UCK2: variants seen among roughly 807,000 people sequenced by gnomAD.
UCK2 encodes the protein uridine-cytidine kinase 2.
In UCK2, 6 loss-of-function variants were observed where a neutral mutation model predicts 30.8. The observed-to-expected ratio is 0.19, with a 90% CI of 0.11 to 0.38. The LOEUF (loss-of-function observed/expected upper bound fraction) is 0.38, where lower values mean the gene tolerates loss of function less well. Ranked by LOEUF, UCK2 falls within the 10% of genes least tolerant of loss-of-function variation. The pLI, the probability that UCK2 is intolerant of heterozygous loss-of-function variation, is 1.00. For synonymous variants in UCK2, 125 were observed against 133.6 expected (o/e 0.94, Z 0.45); for missense variants, 210 against 339.8 (o/e 0.62, Z 3.00).
At chr1:165,875,965 G>T (rs1655323138) in intron 1 of UCK2, among the ~76,000 whole-genome samples, 1 of 152,078 alleles carries the variant, frequency 6.6e-6, no homozygotes, top group African/African-American at 2.4e-5. Context: ...TTCCTGCCTC[G>T]GGCCAGGTGA....
chr1:165,907,010 A>G (rs1470352736), intron 6 of UCK2, among the ~76,000 whole-genome samples: 1 of 152,122 alleles, frequency 6.6e-6, no homozygotes, highest in Non-Finnish European at 1.5e-5. Context: ...GTACAGGCCC[A>G]TTGTTTGGTA....
intron 1 of UCK2, among the ~76,000 whole-genome samples, chr1:165,840,937 A>G (rs556424790): frequency 2.2e-4 from 34 of 152,292 alleles, no homozygotes; most frequent in South Asian, 6.2e-4. Context: ...TATGGTGAAC[A>G]TAGATTATTC....
At chr1:165,844,341 C>G (rs1243122328) in intron 1 of UCK2, among the ~76,000 whole-genome samples, 2 of 152,210 alleles carry the variant, frequency 1.3e-5, no homozygotes, top group Non-Finnish European at 2.9e-5. Context: ...CCTTCAGCAC[C>G]TGTGGTACTG....
At chr1:165,867,075 T>G (rs1000572666) in intron 1 of UCK2, among the ~76,000 whole-genome samples, 1 of 152,254 alleles carries the variant, frequency 6.6e-6, no homozygotes, top group Admixed American at 6.5e-5. Context: ...GTAAAAGTTA[T>G]GTTTACACTA....
At chr1:165,856,633 A>G (rs138402919) in intron 1 of UCK2, among the ~76,000 whole-genome samples, 413 of 152,324 alleles carry the variant, frequency 2.7e-3, no homozygotes, top group Non-Finnish European at 4.8e-3. Flanking sequence ...GAATGATTTC[A>G]GTAAGTGAAC....
At position 165,835,618 on chromosome 1, in the gene UCK2, A is replaced by G. The variant is rs879382113; in HGVS notation, c.99+7686A>G. 1.0e-3 allele frequency among the ~76,000 whole-genome samples: 158 copies of G among 152,288 alleles called. 1 individual carries two copies. Among genetic ancestry groups the G allele is most frequent in the East Asian group, 9.6e-4 (5 of 5,184 alleles). On this transcript the variant is annotated intron_variant, in intron 1 of 6. Transcript: ENST00000367879. ...ACAACAATTGTTTCATTATTCTTTT[A>G]AATGTATCTGATGGGCTCTAAATCT...
chr1:165,864,893 G>T (rs1481884681), intron 1 of UCK2, among the ~76,000 whole-genome samples: 1 of 151,902 alleles, frequency 6.6e-6, no homozygotes, highest in African/African-American at 2.4e-5. Flanking sequence ...TCAATGTGTT[G>T]CCCAGGTTGG....
chr1:165,905,752 A>G (rs939621470), intron 5 of UCK2, among the ~76,000 whole-genome samples, 169 bp from the exon 6 acceptor site: 2 of 152,208 alleles, frequency 1.3e-5, no homozygotes, highest in African/African-American at 4.8e-5. Context: ...TTCTATTAAT[A>G]GATGCATTCA....
At chr1:165,844,634 C>T (rs537182374) in intron 1 of UCK2, among the ~76,000 whole-genome samples, 18 of 152,134 alleles carry the variant, frequency 1.2e-4, no homozygotes, top group Non-Finnish European at 1.8e-4. Flanking sequence ...CGCGTGATTA[C>T]GGTGTTAGAA....
At chr1:165,829,182 C>T (rs1204058733) in intron 1 of UCK2, among the ~76,000 whole-genome samples, 1 of 152,168 alleles carries the variant, frequency 6.6e-6, no homozygotes, top group Admixed American at 6.5e-5. Flanking sequence ...TTGATCTCGT[C>T]CGTAGCTCCC....
intron 3 of UCK2, chr1:165,895,632 A>G (rs577425553): frequency 3.2e-4 from 318 of 985,564 alleles, no homozygotes; most frequent in Middle Eastern, 2.1e-3. Flanking sequence ...TTCCTCACAA[A>G]TGCTTTCTCG....
At chr1:165,832,402 T>G (rs1239097429) in intron 1 of UCK2, among the ~76,000 whole-genome samples, 3 of 152,302 alleles carry the variant, frequency 2.0e-5, no homozygotes, top group East Asian at 3.9e-4. Context: ...TAAGAAACCA[T>G]GAAAGAAGGT....
chr1:165,839,851 C>G (rs6686237), intron 1 of UCK2, among the ~76,000 whole-genome samples: 55,321 of 152,112 alleles, frequency 0.36, 10,616 homozygotes, highest in East Asian at 0.53. Context: ...TGCAGTGGGC[C>G]GGTCACTTGC....
intron 1 of UCK2, among the ~76,000 whole-genome samples, chr1:165,843,483 T>C (rs1193793624): frequency 6.6e-6 from 1 of 152,216 alleles, no homozygotes; most frequent in East Asian, 1.9e-4. Context: ...AACTTTTGGC[T>C]GGGATTGATG....
intron 1 of UCK2, among the ~76,000 whole-genome samples, chr1:165,843,982 A>G (rs917101496): frequency 2.0e-5 from 3 of 152,178 alleles, no homozygotes; most frequent in Non-Finnish European, 4.4e-5. Context: ...CCGAGCACTA[A>G]CTATATACTG....
Position 165,848,500 on chromosome 1 carries a change from C to T in UCK2, c.99+20568C>T, listed in dbSNP as rs1229252364. On this transcript the variant is annotated intron_variant, in intron 1 of 6. Coordinates refer to ENST00000367879, the MANE Select transcript of UCK2 (RefSeq NM_012474.5). Reference sequence around the variant, plus strand: ...TACAAAAATTAGCCGGGTATATTGGCGTGTGTCTGTAATCCCAGCTACTCA... The same window carrying T: ...TACAAAAATTAGCCGGGTATATTGGTGTGTGTCTGTAATCCCAGCTACTCA... Among the ~76,000 whole-genome samples the T allele has an allele frequency of 5.3e-5, 8 of 152,042 alleles. No homozygotes were observed. The East Asian group carries it at 1.5e-3, about 29-fold the overall frequency.
At chr1:165,904,851 G>A (rs1160288402) in intron 5 of UCK2, among the ~76,000 whole-genome samples, 2 of 152,114 alleles carry the variant, frequency 1.3e-5, no homozygotes, top group East Asian at 3.9e-4. Context: ...TTGTAGAATG[G>A]TCTACAAAAT....
chr1:165,840,023 A>G lies in UCK2; in HGVS notation c.99+12091A>G, dbSNP rs145311908. Among the ~76,000 whole-genome samples, 1,322 of 152,308 alleles carry G rather than the reference A, an allele frequency of 8.7e-3. 14 individuals are homozygous for G. Among genetic ancestry groups the G allele is most frequent in the African/African-American group, 0.029 (1,191 of 41,580 alleles). ...CTGCAGCCTCTGCCGGGTTCAAGCAATTCTCCTGCCTCAGCCTCCCAAGTA... is the reference window on the plus strand; with the variant it reads ...CTGCAGCCTCTGCCGGGTTCAAGCAGTTCTCCTGCCTCAGCCTCCCAAGTA... On this transcript the variant is annotated intron_variant, in intron 1 of 6. Coordinates refer to ENST00000367879, the MANE Select transcript of UCK2 (RefSeq NM_012474.5).
rs117584932 is a variant in UCK2, at chr1:165,900,063, G to A, written c.500-3119G>A. On this transcript the variant is annotated intron_variant, in intron 4 of 6. Coordinates refer to ENST00000367879, the MANE Select transcript of UCK2 (RefSeq NM_012474.5). ...CACGTATGTTGTCCTATGTGCTTGTGTCCTGCTCTCCCTTCCCGCGTGGCA... is the reference window on the plus strand; with the variant it reads ...CACGTATGTTGTCCTATGTGCTTGTATCCTGCTCTCCCTTCCCGCGTGGCA... 8.8e-3 allele frequency: 1,347 copies of A among 152,308 alleles called. 35 individuals carry two copies. The highest frequency in any genetic ancestry group is 0.057 in the Admixed American group (869 of 15,284). 9.4% of individuals were successfully genotyped at this position (152,308 alleles called of 1,614,324 possible). A position where few individuals can be genotyped will look rare whatever the true frequency, so the allele number is the denominator to read the frequency against.
Sources: allele counts gnomAD v4.1 joint callset (sites outside exome capture counted in the v4.1 genomes callset), GRCh38; gene constraint gnomAD v4.1.1; transcripts MANE v1.5; gene names NCBI Gene and HGNC (gene_info 2026-07-23, HGNC 2026-07-21).